Variants in UGT1A9 observed in about 807,000 individuals in gnomAD.
The protein encoded by UGT1A9 is UDP-glucuronosyltransferase 1A9.
A neutral mutation model predicts 45.0 loss-of-function variants in UGT1A9; 35 were observed. The ratio of observed to expected loss-of-function variants is 0.78; its 90% CI spans 0.59 to 1.03. UGT1A9 has a LOEUF of 1.03. Ranked by LOEUF, UGT1A9 falls within the 50% of genes least tolerant of loss-of-function variation. The pLI, the probability that UGT1A9 is intolerant of heterozygous loss-of-function variation, is 0.00. For synonymous variants in UGT1A9, 278 were observed against 250.6 expected (o/e 1.11, Z -1.03); for missense variants, 687 against 666.6 (o/e 1.03, Z -0.34).
chr2:233,736,282 T>A lies in UGT1A9; in HGVS notation c.856-30752T>A, dbSNP rs1290263740. ...ATTTGATCTTCAGTCACTGATACCC[T>A]TTCTTCCAGTTGCTCTAATCAGCTA... On this transcript the variant is annotated intron_variant, in intron 1 of 4. Coordinates refer to ENST00000354728, the MANE Select transcript of UGT1A9 (RefSeq NM_021027.3). Among the ~76,000 whole-genome samples the A allele has an allele frequency of 2.6e-5, 4 of 152,226 alleles. No individual in the cohort carries two copies. The East Asian group carries it at 7.7e-4, about 29-fold the overall frequency.
chr2:233,748,052 C>G, intron 1 of UGT1A9: 1 of 1,613,446 alleles, frequency 6.2e-7, no homozygotes, highest in Non-Finnish European at 8.5e-7. Context: ...GGGGCATCAA[C>G]TGTGCCAACA....
At position 233,769,327 on chromosome 2, in the gene UGT1A9, G is replaced by C. The variant is rs1477763656; in HGVS notation, c.1295+888G>C. The stretch of plus-strand genomic sequence containing the variant: ...TTACTGTCAAGCTCACTGGTAATAG[G>C]CTTATTAGAACCTTATGGGAAGAAG... On this transcript the variant is annotated intron_variant, in intron 4 of 4. Transcript: ENST00000354728. The surrounding 1 kb of genome is among the most constrained non-coding windows in gnomAD (Gnocchi z 4.4). 6.6e-6 allele frequency among the ~76,000 whole-genome samples: 1 copy of C among 152,234 alleles called. No homozygotes were observed. The highest frequency in any genetic ancestry group is 1.5e-5 in the Non-Finnish European group (1 of 68,042).
At chr2:233,696,620 T>C (rs1575459167) in intron 1 of UGT1A9, among the ~76,000 whole-genome samples, 1 of 146,384 alleles carries the variant, frequency 6.8e-6, no homozygotes, top group Non-Finnish European at 1.5e-5. Flanking sequence ...CTTTCTTTCT[T>C]TCTCTTGCTT....
intron 1 of UGT1A9, among the ~76,000 whole-genome samples, chr2:233,725,333 T>C (rs2077437851): frequency 7.8e-6 from 1 of 128,680 alleles, no homozygotes; most frequent in Non-Finnish European, 1.7e-5. Context: ...GTCAACAATC[T>C]TAAGTCCAAT....
chr2:233,721,816 C>T, intron 1 of UGT1A9: 1 of 516,128 alleles, frequency 1.9e-6, no homozygotes, highest in Non-Finnish European at 3.9e-6. Flanking sequence ...AAATCCAGCA[C>T]CCTATTTGGG....
intron 1 of UGT1A9, among the ~76,000 whole-genome samples, chr2:233,724,579 G>A (rs1401328538): frequency 7.9e-6 from 1 of 126,878 alleles, no homozygotes; most frequent in Non-Finnish European, 1.6e-5. Context: ...GGGCAGAGGC[G>A]CTCCCCACAT....
At chr2:233,676,804 G>A (rs865906530) in intron 1 of UGT1A9, among the ~76,000 whole-genome samples, 8 of 152,124 alleles carry the variant, frequency 5.3e-5, no homozygotes, top group South Asian at 4.1e-4. Flanking sequence ...GTTTTCTTGC[G>A]TGTGAATATT....
At chr2:233,722,231 T>C (rs1012078678) in intron 1 of UGT1A9, among the ~76,000 whole-genome samples, 1 of 152,246 alleles carries the variant, frequency 6.6e-6, no homozygotes, top group Non-Finnish European at 1.5e-5. Context: ...AAAATCTTTA[T>C]CATGTATTAT....
intron 1 of UGT1A9, chr2:233,747,118 C>G: frequency 6.9e-7 from 1 of 1,458,022 alleles, no homozygotes. Flanking sequence ...TGATGATTTG[C>G]TAAGTGGCTC....
intron 1 of UGT1A9, among the ~76,000 whole-genome samples, chr2:233,750,399 C>A (rs1694444307): frequency 1.3e-5 from 2 of 151,914 alleles, no homozygotes; most frequent in African/African-American, 2.4e-5. Flanking sequence ...AAATTTGCAG[C>A]CTGACCATGT....
At chr2:233,744,920 C>T (rs543250877) in intron 1 of UGT1A9, among the ~76,000 whole-genome samples, 1 of 151,948 alleles carries the variant, frequency 6.6e-6, no homozygotes, top group African/African-American at 2.4e-5. Flanking sequence ...GCTCAAGCTC[C>T]TTTTATAAAA....
At chr2:233,713,495 T>C (rs1332210670) in intron 1 of UGT1A9, 2 of 1,614,050 alleles carry the variant, frequency 1.2e-6, no homozygotes, top group African/African-American at 1.3e-5. Context: ...TGTCGATTCC[T>C]GCTGTGTTTT....
intron 1 of UGT1A9, among the ~76,000 whole-genome samples, chr2:233,734,191 TC>T (rs2078496929): frequency 6.6e-6 from 1 of 152,190 alleles, no homozygotes; most frequent in South Asian, 2.1e-4. Context: ...AATTATTGCC[TC>T]AATTTCAGAG....
intron 1 of UGT1A9, among the ~76,000 whole-genome samples, chr2:233,758,114 C>T (rs192892910): frequency 7.9e-5 from 12 of 152,298 alleles, no homozygotes; most frequent in South Asian, 2.1e-4. Context: ...AGGGCTCACA[C>T]GTTCCATAAA....
At chr2:233,757,332 C>A (rs1696493928) in intron 1 of UGT1A9, among the ~76,000 whole-genome samples, 1 of 150,622 alleles carries the variant, frequency 6.6e-6, no homozygotes, top group Non-Finnish European at 1.5e-5. Flanking sequence ...TGAAATGGGA[C>A]CATGACAGCT....
intron 1 of UGT1A9, among the ~76,000 whole-genome samples, chr2:233,695,873 C>T (rs1342839498): frequency 6.6e-6 from 1 of 152,156 alleles, no homozygotes; most frequent in African/African-American, 2.4e-5. Context: ...ACAAACAACG[C>T]AGAAAACTTC....
chr2:233,736,062 G>T (rs1463600658), intron 1 of UGT1A9, among the ~76,000 whole-genome samples: 1 of 152,174 alleles, frequency 6.6e-6, no homozygotes, highest in East Asian at 1.9e-4. Flanking sequence ...GGCCTGCCTT[G>T]CTAGGTTTGG....
intron 1 of UGT1A9, among the ~76,000 whole-genome samples, chr2:233,744,904 C>A (rs2125866723): frequency 6.6e-6 from 1 of 151,988 alleles, no homozygotes; most frequent in Middle Eastern, 3.4e-3. Flanking sequence ...ATACCAAAAT[C>A]TAGATGCTCA....
chr2:233,768,597 T>C (rs1188549543), intron 4 of UGT1A9, among the ~76,000 whole-genome samples, 158 bp downstream of exon 4: 1 of 135,710 alleles, frequency 7.4e-6, no homozygotes, highest in Non-Finnish European at 1.6e-5. Context: ...TTTTTTTTTT[T>C]TTTTTTTGAG....
Sources: allele counts gnomAD v4.1 joint callset (sites outside exome capture counted in the v4.1 genomes callset), GRCh38; gene constraint gnomAD v4.1.1; non-coding constraint Gnocchi (gnomAD v3.1); transcripts MANE v1.5; gene names NCBI Gene and HGNC (gene_info 2026-07-23, HGNC 2026-07-21).